GABRB1: variants seen among roughly 807,000 people sequenced by gnomAD.
GABRB1 encodes the protein gamma-aminobutyric acid type A receptor subunit beta1, also known as gamma-aminobutyric acid receptor subunit beta-1.
Under a neutral mutation model 51.6 loss-of-function variants are expected in GABRB1, and 17 were observed. The observed-to-expected ratio is 0.33, with a 90% confidence interval of 0.23 to 0.49. The LOEUF (loss-of-function observed/expected upper bound fraction) is 0.49, where lower values mean the gene tolerates loss of function less well. Among genes scored for constraint, GABRB1 ranks in the 20% least tolerant of loss-of-function variants. GABRB1 has a pLI of 0.99. For missense variants in GABRB1, 410 were observed against 600.6 expected, an observed-to-expected ratio of 0.68 and a Z score of 3.32; for synonymous variants, 247 against 218.9, an observed-to-expected ratio of 1.13 and a Z score of -1.14.
At chr4:47,145,581 CT>C (rs1013269589) in intron 3 of GABRB1, among the ~76,000 whole-genome samples, 4 of 151,984 alleles carry the variant, frequency 2.6e-5, no homozygotes, top group African/African-American at 7.2e-5. Flanking sequence ...AGGAATTTAT[CT>C]TTTATCTTGT....
At chr4:47,000,628 A>G (rs1006176487) in intron 1 of GABRB1, among the ~76,000 whole-genome samples, 14 of 152,210 alleles carry the variant, frequency 9.2e-5, no homozygotes, top group African/African-American at 3.4e-4. Flanking sequence ...TGAGCTGGGC[A>G]TTGAAGATAG....
At chr4:47,317,214 T>C (rs1190740538) in intron 4 of GABRB1, among the ~76,000 whole-genome samples, 1 of 151,970 alleles carries the variant, frequency 6.6e-6, no homozygotes, top group East Asian at 1.9e-4. Flanking sequence ...GGTCCAGATA[T>C]ATTTCCAAAT....
intron 3 of GABRB1, among the ~76,000 whole-genome samples, chr4:47,074,195 C>A (rs1196103429): frequency 6.6e-6 from 1 of 151,998 alleles, no homozygotes; most frequent in African/African-American, 2.4e-5. Flanking sequence ...TCCCTACAAG[C>A]AAATACACTA....
intron 4 of GABRB1, among the ~76,000 whole-genome samples, chr4:47,179,986 G>T (rs1718876995): frequency 6.6e-6 from 1 of 152,092 alleles, no homozygotes; most frequent in African/African-American, 2.4e-5. Context: ...CAGTAGAATT[G>T]CTTGAGCACA....
chr4:47,227,300 G>C (rs1720978662), intron 4 of GABRB1, among the ~76,000 whole-genome samples: 1 of 152,116 alleles, frequency 6.6e-6, no homozygotes. Flanking sequence ...TCCTAAGCTG[G>C]TAAGGATACC....
chr4:47,344,938 G>C (rs1309821223), intron 5 of GABRB1, among the ~76,000 whole-genome samples: 2 of 151,994 alleles, frequency 1.3e-5, no homozygotes, highest in Admixed American at 1.3e-4. Context: ...GGCTAGGCTG[G>C]TCTCAAACTC....
intron 4 of GABRB1, among the ~76,000 whole-genome samples, chr4:47,183,154 A>T (rs1223550309): frequency 6.6e-6 from 1 of 151,598 alleles, no homozygotes; most frequent in Non-Finnish European, 1.5e-5. Flanking sequence ...GATATTAAAG[A>T]GTGAGGTAAT....
At chr4:47,314,040 G>A (rs1334616118) in intron 4 of GABRB1, among the ~76,000 whole-genome samples, 1 of 151,936 alleles carries the variant, frequency 6.6e-6, no homozygotes, top group Non-Finnish European at 1.5e-5. Flanking sequence ...AGTTCTTAGA[G>A]CTATTGATTT....
chr4:47,250,368 C>G (rs1316598327), intron 4 of GABRB1, among the ~76,000 whole-genome samples: 4 of 152,176 alleles, frequency 2.6e-5, no homozygotes, highest in Non-Finnish European at 5.9e-5. Flanking sequence ...GAGCTTCTGT[C>G]TCACAGCTCT....
chr4:47,203,118 C>T (rs1719954238), intron 4 of GABRB1, among the ~76,000 whole-genome samples: 1 of 152,182 alleles, frequency 6.6e-6, no homozygotes, highest in Non-Finnish European at 1.5e-5. Flanking sequence ...AGTCACTCCT[C>T]TGTGGTTGAT....
intron 4 of GABRB1, among the ~76,000 whole-genome samples, chr4:47,263,045 G>T (rs1001187730): frequency 8.5e-6 from 1 of 117,794 alleles, no homozygotes; most frequent in Non-Finnish European, 1.7e-5. Flanking sequence ...GACTGTTGTG[G>T]GGTGGGGGGA....
At chr4:47,306,255 CA>C (rs1438327110) in intron 4 of GABRB1, among the ~76,000 whole-genome samples, 2 of 8,668 alleles carry the variant, frequency 2.3e-4, no homozygotes, top group African/African-American at 3.9e-4. Flanking sequence ...ACACAATTGA[CA>C]AGAAAAAAAA....
chr4:47,043,129 T>C (rs1577853610), intron 3 of GABRB1: 2 of 152,028 alleles, frequency 1.3e-5, no homozygotes, highest in South Asian at 4.1e-4. Context: ...AAGCCAACTA[T>C]TGAGAGGCCA....
intron 4 of GABRB1, among the ~76,000 whole-genome samples, chr4:47,213,421 G>GCTCT (rs143821454): frequency 6.7e-6 from 1 of 148,310 alleles, no homozygotes; most frequent in Admixed American, 6.8e-5. Flanking sequence ...TTTCACATTC[G>GCTCT]CTCTCTCTCT....
chr4:47,278,673 C>T (rs762448789), intron 4 of GABRB1, among the ~76,000 whole-genome samples: 10 of 152,124 alleles, frequency 6.6e-5, no homozygotes, highest in Non-Finnish European at 1.0e-4. Flanking sequence ...GCTGATCATA[C>T]GTTTCCATTT....
At chr4:47,274,962 T>C (rs757605593) in intron 4 of GABRB1, among the ~76,000 whole-genome samples, 1 of 152,188 alleles carries the variant, frequency 6.6e-6, no homozygotes, top group African/African-American at 2.4e-5. Flanking sequence ...ACAAGTAGAT[T>C]AAATCTGTTT....
At chr4:47,339,541 A>ATG (rs34390361) in intron 5 of GABRB1, among the ~76,000 whole-genome samples, 8,449 of 148,410 alleles carry the variant, frequency 0.057, 210 homozygotes, top group Admixed American at 0.078. Flanking sequence ...ATGTGTGCAT[A>ATG]TGTGTGTGTG....
At chr4:47,049,667 A>T (rs1176623254) in intron 3 of GABRB1, among the ~76,000 whole-genome samples, 1 of 152,164 alleles carries the variant, frequency 6.6e-6, no homozygotes, top group Non-Finnish European at 1.5e-5. Context: ...CTTTATTTTT[A>T]AAAAATCTTG....
chr4:47,272,158 T>C (rs1292545645), intron 4 of GABRB1, among the ~76,000 whole-genome samples: 2 of 152,202 alleles, frequency 1.3e-5, no homozygotes, highest in Non-Finnish European at 2.9e-5. Flanking sequence ...ATTCAACTCC[T>C]GTGCTGTATA....
Sources: allele counts gnomAD v4.1 joint callset (sites outside exome capture counted in the v4.1 genomes callset), GRCh38; gene constraint gnomAD v4.1.1; transcripts MANE v1.5; gene names NCBI Gene and HGNC (gene_info 2026-07-23, HGNC 2026-07-21).